Variants in VAV3 observed in about 807,000 individuals in gnomAD.
The protein encoded by VAV3 is vav guanine nucleotide exchange factor 3.
VAV3 carries 94 observed loss-of-function variants against 131.2 expected under a neutral mutation model. The ratio of observed to expected loss-of-function variants is 0.72; its 90% CI spans 0.61 to 0.85. The LOEUF is 0.85. Among genes scored for constraint, VAV3 ranks in the 40% least tolerant of loss-of-function variants. VAV3 has a pLI of 0.00. For synonymous variants in VAV3, 349 were observed against 342.0 expected, an observed-to-expected ratio of 1.02 and a Z score of -0.22; for missense variants, 939 against 1,002.7, an observed-to-expected ratio of 0.94 and a Z score of 0.86.
In VAV3 at chr1:107,772,811, T is replaced by C. The variant is rs780020621; in HGVS notation, c.479A>G (p.Tyr160Cys). Residue 160 changes from tyrosine (Y) to cysteine (C), a missense_variant, in exon 5 of 27, where the codon TAT (tyrosine) becomes TGT (cysteine). Coordinates refer to ENST00000370056, the MANE Select transcript of VAV3 (RefSeq NM_006113.5). ...ETLVEDEEDL[Y>C]DCVYGEDEGG... ...TTCATCTTCCCCATAAACACAGTCA[T>C]AGAGATCTTCTTCATCTTCCACAAG... The C allele has an allele frequency of 1.8e-5, 29 of 1,613,662 alleles. No homozygotes were observed. The highest frequency in any genetic ancestry group is 2.4e-5 in the Non-Finnish European group (28 of 1,179,874).
At chr1:107,581,855 A>G (rs1489966588) in intron 25 of VAV3, among the ~76,000 whole-genome samples, 1 of 152,218 alleles carries the variant, frequency 6.6e-6, no homozygotes, top group Non-Finnish European at 1.5e-5. Context: ...AAACCAACCT[A>G]ATCGACACTC....
At chr1:107,719,043 T>G (rs573267182) in intron 15 of VAV3, among the ~76,000 whole-genome samples, 1 of 152,200 alleles carries the variant, frequency 6.6e-6, no homozygotes, top group Non-Finnish European at 1.5e-5. Flanking sequence ...TTACACCTTA[T>G]ACAAACATTA....
chr1:107,723,804 A>G (rs565531482), intron 15 of VAV3, among the ~76,000 whole-genome samples: 22 of 152,244 alleles, frequency 1.4e-4, no homozygotes, highest in African/African-American at 5.3e-4. Context: ...CCTCTGTTGT[A>G]AATTAGAACA....
intron 22 of VAV3, among the ~76,000 whole-genome samples, chr1:107,604,897 T>A (rs915025578): frequency 6.6e-6 from 1 of 152,202 alleles, no homozygotes; most frequent in Admixed American, 6.5e-5. Context: ...TTTCTACTTG[T>A]GTATTTCTAA....
At chr1:107,760,716 T>A in intron 10 of VAV3, 68 bp downstream of exon 10, 2 of 1,253,372 alleles carry the variant, frequency 1.6e-6, no homozygotes, top group South Asian at 2.6e-5. Context: ...TGCAATGTAG[T>A]TGATGCTTCA....
intron 25 of VAV3, among the ~76,000 whole-genome samples, chr1:107,583,522 C>G (rs1650239112): frequency 1.3e-5 from 2 of 152,224 alleles, no homozygotes; most frequent in South Asian, 4.2e-4. Flanking sequence ...ACTGTCTCAG[C>G]CCAAAATCTC....
chr1:107,578,150 ATTC>A (rs1393670085), intron 25 of VAV3, among the ~76,000 whole-genome samples: 1 of 152,158 alleles, frequency 6.6e-6, no homozygotes, highest in Non-Finnish European at 1.5e-5. Flanking sequence ...GAGTTTAGTT[ATTC>A]TTAGAATCAA....
At chr1:107,764,107 A>G (rs78976892) in intron 9 of VAV3, among the ~76,000 whole-genome samples, 1 of 145,754 alleles carries the variant, frequency 6.9e-6, no homozygotes, top group Admixed American at 6.9e-5. Context: ...AAAACAAAAC[A>G]AAAAAAAAAA....
At chr1:107,823,469 G>A (rs1667885303) in intron 2 of VAV3, among the ~76,000 whole-genome samples, 1 of 152,084 alleles carries the variant, frequency 6.6e-6, no homozygotes, top group Non-Finnish European at 1.5e-5. Flanking sequence ...AATGGGAATG[G>A]CTGAGACTCC....
intron 1 of VAV3, among the ~76,000 whole-genome samples, chr1:107,928,608 T>C (rs2101191976): frequency 6.6e-6 from 1 of 152,298 alleles, no homozygotes; most frequent in Non-Finnish European, 1.5e-5. Flanking sequence ...AGTTTAAAAA[T>C]GCAATGACAC....
chr1:107,856,561 T>C (rs1669478612), intron 2 of VAV3, among the ~76,000 whole-genome samples: 1 of 152,202 alleles, frequency 6.6e-6, no homozygotes, highest in African/African-American at 2.4e-5. Flanking sequence ...ACTGTTATAA[T>C]AGTTAATTTA....
At chr1:107,916,147 C>G (rs1672609924) in intron 1 of VAV3, among the ~76,000 whole-genome samples, 1 of 151,990 alleles carries the variant, frequency 6.6e-6, no homozygotes, top group Admixed American at 6.6e-5. Context: ...AACATTGATC[C>G]AGACATCACA....
intron 2 of VAV3, among the ~76,000 whole-genome samples, chr1:107,810,780 A>G (rs749858167): frequency 2.0e-5 from 3 of 152,172 alleles, no homozygotes; most frequent in Non-Finnish European, 4.4e-5. Context: ...TCCTGAGATC[A>G]TCCCACAATG....
At chr1:107,692,503 GT>G (rs1322417177) in intron 17 of VAV3, among the ~76,000 whole-genome samples, 2 of 152,092 alleles carry the variant, frequency 1.3e-5, no homozygotes, top group Non-Finnish European at 2.9e-5. Context: ...GAAATCAATG[GT>G]CAATCTTCAG....
intron 2 of VAV3, among the ~76,000 whole-genome samples, chr1:107,857,190 C>G (rs942999330): frequency 2.0e-5 from 3 of 152,090 alleles, no homozygotes; most frequent in Non-Finnish European, 4.4e-5. Context: ...AATCAGCTGC[C>G]AGCATGGCCA....
intron 22 of VAV3, among the ~76,000 whole-genome samples, chr1:107,608,002 C>T (rs1408015628): frequency 1.3e-5 from 2 of 152,098 alleles, no homozygotes; most frequent in Admixed American, 1.3e-4. Flanking sequence ...GAAGACATTT[C>T]ACATCAAACT....
chr1:107,875,765 C>T (rs1298018343), intron 1 of VAV3, among the ~76,000 whole-genome samples: 10 of 152,040 alleles, frequency 6.6e-5, no homozygotes, highest in Admixed American at 2.0e-4. Context: ...TGAAAGGGGC[C>T]GGAGCTAGGG....
intron 20 of VAV3, among the ~76,000 whole-genome samples, chr1:107,631,806 CTCA>C (rs1654513293): frequency 6.6e-6 from 1 of 151,992 alleles, no homozygotes; most frequent in Non-Finnish European, 1.5e-5. Context: ...AGGACATGAA[CTCA>C]TCATTTTTTA....
At chr1:107,866,156 G>C (rs751073054) in intron 2 of VAV3, among the ~76,000 whole-genome samples, 10 of 152,102 alleles carry the variant, frequency 6.6e-5, no homozygotes, top group Non-Finnish European at 1.2e-4. Context: ...GTGTCTGCTT[G>C]GGTCTCTTCC....
Sources: allele counts gnomAD v4.1 joint callset (sites outside exome capture counted in the v4.1 genomes callset), GRCh38; gene constraint gnomAD v4.1.1; transcripts MANE v1.5; gene names NCBI Gene and HGNC (gene_info 2026-07-23, HGNC 2026-07-21).